KCNQ5: variants seen among roughly 807,000 people sequenced by gnomAD.
The protein encoded by KCNQ5 is potassium voltage-gated channel subfamily Q member 5.
Under a neutral mutation model 98.2 loss-of-function variants are expected in KCNQ5, and 30 were observed. The ratio of observed to expected loss-of-function variants is 0.31; its 90% CI spans 0.23 to 0.41. The LOEUF (loss-of-function observed/expected upper bound fraction) is 0.41, where lower values mean the gene tolerates loss of function less well. KCNQ5 is among the 10% of genes least tolerant of loss of function. KCNQ5 has a pLI of 1.00. For synonymous variants in KCNQ5, 458 were observed against 449.4 expected, an observed-to-expected ratio of 1.02 and a Z score of -0.24; for missense variants, 835 against 1,182.5, an observed-to-expected ratio of 0.71 and a Z score of 4.31.
intron 1 of KCNQ5, among the ~76,000 whole-genome samples, chr6:72,849,881 C>A (rs1186574294): frequency 6.6e-6 from 1 of 152,036 alleles, no homozygotes; most frequent in Non-Finnish European, 1.5e-5. Context: ...ATAAATGGCT[C>A]CCAGAGTCAC....
chr6:72,720,746 T>C (rs1230095385), intron 1 of KCNQ5, among the ~76,000 whole-genome samples: 1 of 152,230 alleles, frequency 6.6e-6, no homozygotes, highest in Admixed American at 6.5e-5. Context: ...TTATTTTCAG[T>C]CTGAGAAAAT....
intron 1 of KCNQ5, among the ~76,000 whole-genome samples, chr6:72,873,509 C>T (rs1778294931): frequency 6.6e-6 from 1 of 152,026 alleles, no homozygotes; most frequent in African/African-American, 2.4e-5. Context: ...ATCCTCCAAC[C>T]TTTTATGGAC....
intron 3 of KCNQ5, among the ~76,000 whole-genome samples, chr6:73,064,403 T>C (rs1481849946): frequency 6.6e-6 from 1 of 152,216 alleles, no homozygotes; most frequent in Non-Finnish European, 1.5e-5. Flanking sequence ...GTTTGGCTGT[T>C]GATGTTTAAA....
chr6:73,060,124 T>C (rs572015143), intron 3 of KCNQ5, among the ~76,000 whole-genome samples: 2 of 152,054 alleles, frequency 1.3e-5, no homozygotes, highest in East Asian at 3.9e-4. Flanking sequence ...TAAAAAGAAG[T>C]CGTTTGTTCT....
intron 3 of KCNQ5, among the ~76,000 whole-genome samples, chr6:73,053,731 G>A (rs893178209): frequency 1.3e-5 from 2 of 152,082 alleles, no homozygotes; most frequent in Non-Finnish European, 2.9e-5. Flanking sequence ...AGAGCTGAAT[G>A]CCTACATCAA....
At chr6:72,856,576 A>C (rs1292264884) in intron 1 of KCNQ5, among the ~76,000 whole-genome samples, 1 of 152,086 alleles carries the variant, frequency 6.6e-6, no homozygotes, top group Non-Finnish European at 1.5e-5. Context: ...TCTTTCCTTT[A>C]TGACTCCTCT....
chr6:72,944,898 A>G (rs887934893), intron 1 of KCNQ5, among the ~76,000 whole-genome samples: 12 of 152,148 alleles, frequency 7.9e-5, no homozygotes, highest in Admixed American at 3.9e-4. Context: ...CATTCTCCTC[A>G]TTGCTGCGTG....
intron 1 of KCNQ5, among the ~76,000 whole-genome samples, chr6:72,671,983 A>AT (rs1041308191): frequency 3.4e-4 from 51 of 151,370 alleles, no homozygotes; most frequent in Non-Finnish European, 6.6e-4. Flanking sequence ...CGCCTGGCTA[A>AT]TTTTTTGTAT....
At chr6:72,719,508 C>T (rs1769834747) in intron 1 of KCNQ5, among the ~76,000 whole-genome samples, 1 of 152,196 alleles carries the variant, frequency 6.6e-6, no homozygotes, top group African/African-American at 2.4e-5. Flanking sequence ...AGATATTTGG[C>T]TAATGAAAAA....
intron 1 of KCNQ5, among the ~76,000 whole-genome samples, chr6:72,933,129 T>TTTTTA (rs536796080): frequency 6.0e-4 from 91 of 152,228 alleles, no homozygotes; most frequent in African/African-American, 2.1e-3. Context: ...AATAAGCCAA[T>TTTTTA]ATATTTTGGA....
At chr6:72,692,434 T>C (rs1361734447) in intron 1 of KCNQ5, among the ~76,000 whole-genome samples, 2 of 152,256 alleles carry the variant, frequency 1.3e-5, no homozygotes. Flanking sequence ...CTGATCTGTT[T>C]CATTGCATGT....
At chr6:72,770,428 A>G (rs935560094) in intron 1 of KCNQ5, among the ~76,000 whole-genome samples, 3 of 152,286 alleles carry the variant, frequency 2.0e-5, no homozygotes, top group African/African-American at 7.2e-5. Context: ...GTTTGACAAG[A>G]ATAAAATATA....
intron 1 of KCNQ5, among the ~76,000 whole-genome samples, chr6:72,805,577 TG>T (rs1324534561): frequency 2.0e-5 from 3 of 152,158 alleles, no homozygotes; most frequent in Non-Finnish European, 4.4e-5. Flanking sequence ...TATACCTCTG[TG>T]GTACAATTTG....
chr6:73,036,322 C>T (rs1171591725), intron 2 of KCNQ5, among the ~76,000 whole-genome samples: 3 of 139,882 alleles, frequency 2.1e-5, no homozygotes, highest in African/African-American at 8.1e-5. Flanking sequence ...GGAGGTGGAG[C>T]TTGCAGTGAG....
chr6:72,698,587 G>A (rs1233631719), intron 1 of KCNQ5, among the ~76,000 whole-genome samples: 1 of 151,152 alleles, frequency 6.6e-6, no homozygotes, highest in African/African-American at 2.4e-5. Context: ...TTTAAATAGG[G>A]AAAAGAGAAT....
chr6:72,754,744 A>G (rs1000807959), intron 1 of KCNQ5, among the ~76,000 whole-genome samples: 1 of 152,146 alleles, frequency 6.6e-6, no homozygotes, highest in African/African-American at 2.4e-5. Flanking sequence ...TGAATGTTCA[A>G]TGTACACATG....
At chr6:72,944,835 C>T (rs1766462791) in intron 1 of KCNQ5, among the ~76,000 whole-genome samples, 1 of 152,176 alleles carries the variant, frequency 6.6e-6, no homozygotes, top group Non-Finnish European at 1.5e-5. Context: ...AAAAAGGATG[C>T]ACTGATCATG....
rs371191587 is a variant in KCNQ5, at chr6:72,691,522, A to G, written c.398+68935A>G. Among the ~76,000 whole-genome samples the G allele has an allele frequency of 3.5e-4, 53 of 152,348 alleles. No individual in the cohort carries two copies. In the South Asian group the frequency reaches 7.7e-3, roughly 22 times the overall value. ...TACTGACGCCGAAGACGAATACTCTATCTCCTTAGTATAATGCCTACTTTG... is the reference window on the plus strand; with the variant it reads ...TACTGACGCCGAAGACGAATACTCTGTCTCCTTAGTATAATGCCTACTTTG... On this transcript the variant is annotated intron_variant, in intron 1 of 13. Coordinates refer to ENST00000370398, the MANE Select transcript of KCNQ5 (RefSeq NM_019842.4).
intron 1 of KCNQ5, among the ~76,000 whole-genome samples, chr6:72,708,135 T>G (rs983096587): frequency 2.6e-5 from 4 of 152,256 alleles, no homozygotes; most frequent in Non-Finnish European, 5.9e-5. Context: ...AGTCTTTACT[T>G]TCTTAATCAT....
Sources: allele counts gnomAD v4.1 joint callset (sites outside exome capture counted in the v4.1 genomes callset), GRCh38; gene constraint gnomAD v4.1.1; transcripts MANE v1.5; gene names NCBI Gene and HGNC (gene_info 2026-07-23, HGNC 2026-07-21).